Variants in DMTN observed in about 807,000 individuals in gnomAD.
The protein encoded by DMTN is dematin.
In DMTN, 27 loss-of-function variants were observed where a neutral mutation model predicts 59.4. That is an observed-to-expected ratio of 0.45 (90% CI 0.33 to 0.63). DMTN has a LOEUF of 0.63. DMTN is among the 20% of genes least tolerant of loss of function. The probability of loss-of-function intolerance (pLI) is 0.02; values close to 1 mark genes in which losing one functional copy is unlikely to be tolerated. For missense variants in DMTN, 451 were observed against 528.9 expected, an observed-to-expected ratio of 0.85 and a Z score of 1.45; for synonymous variants, 221 against 203.7, an observed-to-expected ratio of 1.08 and a Z score of -0.72.
At chr8:22,069,656 C>G in intron 6 of DMTN, 138 bp downstream of exon 6, 1 of 902,286 alleles carries the variant, frequency 1.1e-6, no homozygotes. Context: ...GCCAGGACCC[C>G]TCCCAGAGAT....
chr8:22,078,311 G>A (rs575351959), intron 10 of DMTN, among the ~76,000 whole-genome samples: 83 of 151,960 alleles, frequency 5.5e-4, no homozygotes, highest in Middle Eastern at 3.4e-3. Flanking sequence ...GTTGTGGTGA[G>A]CCAAGACTGT....
chr8:22,064,680 A>G (rs544155261), intron 1 of DMTN, among the ~76,000 whole-genome samples: 36 of 152,276 alleles, frequency 2.4e-4, no homozygotes, highest in East Asian at 1.7e-3. Context: ...GGATGGTCTC[A>G]GTCTCCTGAC....
At chr8:22,078,827 C>T (rs1290906674) in intron 10 of DMTN, among the ~76,000 whole-genome samples, 2 of 63,912 alleles carry the variant, frequency 3.1e-5, no homozygotes, top group East Asian at 5.8e-4. Flanking sequence ...GATGGAGTCT[C>T]GCTCTATCAC....
intron 1 of DMTN, among the ~76,000 whole-genome samples, chr8:22,064,147 T>G (rs920532445): frequency 6.6e-6 from 1 of 151,372 alleles, no homozygotes; most frequent in Non-Finnish European, 1.5e-5. Flanking sequence ...GATGGATGGA[T>G]AGAAGGATGG....
At chr8:22,054,505 C>T (rs981452841), upstream of DMTN, among the ~76,000 whole-genome samples, 5 of 152,084 alleles carry the variant, frequency 3.3e-5, no homozygotes, top group Admixed American at 6.5e-5. Flanking sequence ...TGAACCCTGC[C>T]GGAGCAACCC....
intron 14 of DMTN, 34 bp downstream of exon 14, chr8:22,080,904 G>A: frequency 1.3e-6 from 2 of 1,539,462 alleles, no homozygotes; most frequent in Non-Finnish European, 1.8e-6. Context: ...CCTGTAGCGG[G>A]GCGGGAGGCT....
rs2130885252 is a variant in DMTN, at chr8:22,066,904, C to T, written c.18+11C>T. On this transcript the variant is annotated intron_variant, in intron 2 of 15. Coordinates refer to ENST00000358242, the MANE Select transcript of DMTN (RefSeq NM_001387751.1). Reference sequence around the variant, plus strand: ...GAACGGCTGCAGAAGGTGCGCGGCGCCGCCCCGGGCCGGGGCCGCCGAGGG... The same window carrying T: ...GAACGGCTGCAGAAGGTGCGCGGCGTCGCCCCGGGCCGGGGCCGCCGAGGG... 1.6e-6 allele frequency: 2 copies of T among 1,257,806 alleles called. No individual in the cohort carries two copies. Among genetic ancestry groups the T allele is most frequent in the Non-Finnish European group, 2.0e-6 (2 of 1,000,982 alleles). 77.9% of individuals were successfully genotyped at this position (1,257,806 alleles called of 1,614,324 possible).
At chr8:22,079,303 A>ATATATATATATATAGAG (rs67715172) in intron 10 of DMTN, among the ~76,000 whole-genome samples, 1 of 52,220 alleles carries the variant, frequency 1.9e-5, no homozygotes, top group East Asian at 5.8e-4. Context: ...TATATATATT[A>ATATATATATATATAGAG]GCTGGGTTTG....
At chr8:22,071,670 C>G (rs1260062961) in intron 8 of DMTN, among the ~76,000 whole-genome samples, 1 of 152,082 alleles carries the variant, frequency 6.6e-6, no homozygotes, top group African/African-American at 2.4e-5. Context: ...AGCTCCGCCT[C>G]CCGGGCTCAC....
At chr8:22,059,916 G>A (rs1177874124) in intron 1 of DMTN, among the ~76,000 whole-genome samples, 1 of 152,132 alleles carries the variant, frequency 6.6e-6, no homozygotes, top group Non-Finnish European at 1.5e-5. Flanking sequence ...GCACAAACTC[G>A]GAGGGCCCAG....
At chr8:22,053,882 G>A (rs1024356225), upstream of DMTN, 1 of 152,396 alleles carries the variant, frequency 6.6e-6, no homozygotes, top group African/African-American at 2.4e-5. Flanking sequence ...GGCACCTGTT[G>A]TTCAGTGTTG....
chr8:22,080,768 G>A, intron 13 of DMTN, 37 bp from the exon 14 acceptor site: 1 of 1,600,786 alleles, frequency 6.2e-7, no homozygotes. Flanking sequence ...AGGTCTCCCT[G>A]CCCCGCTCTG....
upstream of DMTN, chr8:22,054,664 T>C (rs1801835452): frequency 6.6e-6 from 1 of 152,402 alleles, no homozygotes; most frequent in African/African-American, 2.4e-5. Context: ...AGGGTTCTCC[T>C]GGGGTCACCC....
chr8:22,056,445 C>T (rs1396589368), upstream of DMTN, among the ~76,000 whole-genome samples: 4 of 152,114 alleles, frequency 2.6e-5, no homozygotes, highest in African/African-American at 9.7e-5. Context: ...GGTGCAGGTG[C>T]CTGGAGAAAG....
At chr8:22,053,798 C>T (rs1377034427), upstream of DMTN, 1 of 152,396 alleles carries the variant, frequency 6.6e-6, no homozygotes, top group Non-Finnish European at 1.5e-5. Flanking sequence ...TATGAGAGCC[C>T]TGGCAGCCGC....
intron 9 of DMTN, 150 bp from the exon 10 acceptor site, chr8:22,073,580 A>G: frequency 3.3e-6 from 2 of 602,980 alleles, no homozygotes; most frequent in Non-Finnish European, 5.6e-6. Flanking sequence ...GCAGTGAGCC[A>G]TGTTTGTGCC....
chr8:22,056,038 C>T (rs1193366971), upstream of DMTN, among the ~76,000 whole-genome samples: 2 of 152,194 alleles, frequency 1.3e-5, no homozygotes. Context: ...CTTCCCCATC[C>T]TGCCCAGGGG....
chr8:22,075,792 TGCAG>T (rs1443590505), intron 10 of DMTN, among the ~76,000 whole-genome samples: 1 of 152,208 alleles, frequency 6.6e-6, no homozygotes, highest in Non-Finnish European at 1.5e-5. Context: ...GTGCTGGGAT[TGCAG>T]GCGTGAGCCG....
At chr8:22,067,321 C>T (rs1411092851) in intron 3 of DMTN, among the ~76,000 whole-genome samples, 162 bp downstream of exon 3, 8 of 152,182 alleles carry the variant, frequency 5.3e-5, no homozygotes, top group Admixed American at 5.2e-4. Context: ...CCCATATCCC[C>T]CTTCCACTGG....
Sources: gnomAD v4.1 joint callset for allele counts (sites outside exome capture counted in the v4.1 genomes callset) on GRCh38, gnomAD v4.1.1 for gene constraint, MANE v1.5 for transcripts, NCBI Gene and HGNC (gene_info 2026-07-23, HGNC 2026-07-21) for gene names.